The following NTRK2 variants were observed in gnomAD, a reference collection of about 807,000 sequenced individuals.
NTRK2 encodes the protein BDNF/NT-3 growth factors receptor.
In NTRK2, 13 loss-of-function variants were observed where a neutral mutation model predicts 94.5. That is an observed-to-expected ratio of 0.14 (90% CI 0.09 to 0.22). The LOEUF is 0.22. Among genes scored for constraint, NTRK2 ranks in the 10% least tolerant of loss-of-function variants. The probability of loss-of-function intolerance (pLI) is 1.00; values close to 1 mark genes in which losing one functional copy is unlikely to be tolerated. For missense variants in NTRK2, 639 were observed against 1,071.2 expected (o/e 0.60, Z 5.63); for synonymous variants, 372 against 407.4 (o/e 0.91, Z 1.05).
intron 12 of NTRK2, among the ~76,000 whole-genome samples, chr9:84,778,854 G>A (rs1417094391): frequency 6.6e-6 from 1 of 152,136 alleles, no homozygotes; most frequent in Non-Finnish European, 1.5e-5. Context: ...TTGATACAGT[G>A]GACTGATTTC....
At chr9:84,801,824 TA>T (rs1477282082) in intron 12 of NTRK2, among the ~76,000 whole-genome samples, 1 of 152,208 alleles carries the variant, frequency 6.6e-6, no homozygotes, top group Non-Finnish European at 1.5e-5. Context: ...TAAATGGCCA[TA>T]ATTGTGATGA....
intron 12 of NTRK2, among the ~76,000 whole-genome samples, chr9:84,796,308 C>T (rs2133284274): frequency 6.6e-6 from 1 of 152,196 alleles, no homozygotes; most frequent in East Asian, 1.9e-4. Context: ...AAACTATATC[C>T]CAACTAGAAA....
At chr9:84,826,549 T>C (rs898541486) in intron 12 of NTRK2, among the ~76,000 whole-genome samples, 4 of 152,116 alleles carry the variant, frequency 2.6e-5, no homozygotes, top group Non-Finnish European at 5.9e-5. Flanking sequence ...GAGAACAGAG[T>C]TGAACTGAGA....
chr9:84,966,989 T>C (rs373393558), intron 17 of NTRK2, among the ~76,000 whole-genome samples: 1 of 152,224 alleles, frequency 6.6e-6, no homozygotes, highest in Non-Finnish European at 1.5e-5. Context: ...TAATCACTAG[T>C]GCACAGTCAT....
intron 17 of NTRK2, among the ~76,000 whole-genome samples, chr9:85,019,523 T>A (rs1832597829): frequency 6.6e-6 from 1 of 152,216 alleles, no homozygotes; most frequent in African/African-American, 2.4e-5. Flanking sequence ...TGCCCCAGTC[T>A]CAGTGTTTTC....
rs141254142 is a variant in NTRK2 at position 84,951,276 on chromosome 9, C to A, written c.1937+2642C>A. On this transcript the variant is annotated intron_variant, in intron 16 of 18. Coordinates refer to ENST00000277120, the MANE Select transcript of NTRK2 (RefSeq NM_006180.6). ...ACAATCTTGATGCATTATCCTACGT[C>A]AGCAAAATTTTTCTTGTAAGTGATA... 4.6e-5 allele frequency among the ~76,000 whole-genome samples: 7 copies of A among 152,256 alleles called. No homozygotes were observed. The East Asian group carries it at 1.4e-3, about 29-fold the overall frequency.
intron 2 of NTRK2, among the ~76,000 whole-genome samples, chr9:84,683,387 G>C (rs1226848157): frequency 6.6e-6 from 1 of 151,920 alleles, no homozygotes; most frequent in Non-Finnish European, 1.5e-5. Flanking sequence ...TTCCCCTCCT[G>C]TGTCCATGTG....
Position 84,669,950 on chromosome 9 carries a change from C to A in NTRK2, c.-373+62C>A, listed in dbSNP as rs2058593870. On this transcript the variant is annotated intron_variant, in intron 1 of 18. Coordinates refer to ENST00000277120, the MANE Select transcript of NTRK2 (RefSeq NM_006180.6). This position sits in a 1 kb window ranked among gnomAD's most constrained non-coding sequence, Gnocchi z 4.1. ...CCTCACTGTCTCCCCCTGGGGCGGCCTCGGCTACTCCCCAGGTGGGACGTG... is the reference window on the plus strand; with the variant it reads ...CCTCACTGTCTCCCCCTGGGGCGGCATCGGCTACTCCCCAGGTGGGACGTG... The A allele has an allele frequency of 6.5e-6, 1 of 152,764 alleles. No individual in the cohort carries two copies. The highest frequency in any genetic ancestry group is 2.1e-4 in the South Asian group (1 of 4,838). 9.5% of individuals were successfully genotyped at this position (152,764 alleles called of 1,614,324 possible).
In NTRK2 at chr9:84,782,037, A is replaced by AACACACACACACACAC. The variant is rs58851217; in HGVS notation, c.1396+29968_1396+29983dup. Reference sequence around the variant, plus strand: ...AGGATTATAAGATGGCCTCCAAGAAAACACACACACACACACACACACACA... The same window carrying AACACACACACACACAC: ...AGGATTATAAGATGGCCTCCAAGAAAACACACACACACACACACACACACACACACACACACACACA... On this transcript the variant is annotated intron_variant, in intron 12 of 18. Coordinates refer to ENST00000277120, the MANE Select transcript of NTRK2 (RefSeq NM_006180.6). Among the ~76,000 whole-genome samples the AACACACACACACACAC allele has an allele frequency of 3.4e-3, 510 of 149,636 alleles. 3 individuals are homozygous for AACACACACACACACAC. The highest frequency in any genetic ancestry group is 0.012 in the African/African-American group (478 of 40,440).
chr9:84,989,863 A>T (rs1017958927), intron 17 of NTRK2, among the ~76,000 whole-genome samples: 1 of 152,186 alleles, frequency 6.6e-6, no homozygotes, highest in African/African-American at 2.4e-5. Context: ...AGGCAAATTT[A>T]TTTAATCTCC....
intron 12 of NTRK2, chr9:84,813,679 C>T (rs200511757): frequency 1.0e-5 from 11 of 1,066,152 alleles, no homozygotes; most frequent in Non-Finnish European, 1.0e-5. Flanking sequence ...TCCCCTCAAC[C>T]CATTCCCTGG....
chr9:84,894,563 T>G (rs2076703264), intron 14 of NTRK2, among the ~76,000 whole-genome samples: 1 of 152,220 alleles, frequency 6.6e-6, no homozygotes, highest in African/African-American at 2.4e-5. Flanking sequence ...AACTTCATGC[T>G]GCTCAAGGTT....
At chr9:84,732,400 G>A (rs1392919877) in intron 9 of NTRK2, among the ~76,000 whole-genome samples, 4 of 152,184 alleles carry the variant, frequency 2.6e-5, no homozygotes, top group African/African-American at 9.7e-5. Flanking sequence ...GTGGCTCTGG[G>A]ATGGGAGTTG....
Position 85,026,530 on chromosome 9 carries a change from G to C in NTRK2, c.*5093G>C, listed in dbSNP as rs1380444764. On this transcript the variant is annotated 3_prime_UTR_variant, in exon 19 of 19. Coordinates refer to ENST00000277120, the MANE Select transcript of NTRK2 (RefSeq NM_006180.6). Reference sequence around the variant, plus strand: ...GCAGCTGGAAATGTTTTAAATACAAGGTCTTTGAATTAAATGTGGATTTTA... The same window carrying C: ...GCAGCTGGAAATGTTTTAAATACAACGTCTTTGAATTAAATGTGGATTTTA... The C allele has an allele frequency of 4.3e-6, 1 of 232,470 alleles. No homozygotes were observed. Among genetic ancestry groups the C allele is most frequent in the Non-Finnish European group, 8.5e-6 (1 of 117,666 alleles). The allele number at this position is 232,470 out of a possible 1,614,324, so 14.4% of individuals were successfully genotyped here.
At chr9:84,783,415 T>C (rs888185145) in intron 12 of NTRK2, among the ~76,000 whole-genome samples, 1 of 152,240 alleles carries the variant, frequency 6.6e-6, no homozygotes, top group Non-Finnish European at 1.5e-5. Flanking sequence ...CTGAGTCAGA[T>C]TCATCCCTGA....
chr9:85,002,629 T>A (rs1191269108), intron 17 of NTRK2, among the ~76,000 whole-genome samples: 2 of 152,224 alleles, frequency 1.3e-5, no homozygotes, highest in African/African-American at 2.4e-5. Context: ...CACTCTCATC[T>A]TCTGAAAGGT....
intron 12 of NTRK2, among the ~76,000 whole-genome samples, chr9:84,826,344 T>C (rs1250497011): frequency 1.3e-5 from 2 of 152,224 alleles, no homozygotes; most frequent in Admixed American, 6.5e-5. Flanking sequence ...TCCCTGAGTC[T>C]CTGTGTCCTC....
At chr9:84,762,034 A>G (rs551632057) in intron 12 of NTRK2, among the ~76,000 whole-genome samples, 1 of 151,226 alleles carries the variant, frequency 6.6e-6, no homozygotes, top group East Asian at 1.9e-4. Flanking sequence ...TTTTTTTTTT[A>G]TAAAGAGCAG....
chr9:84,725,238 C>G (rs2062360800), intron 8 of NTRK2, among the ~76,000 whole-genome samples: 1 of 152,182 alleles, frequency 6.6e-6, no homozygotes, highest in African/African-American at 2.4e-5. Flanking sequence ...TTAACACTCA[C>G]TCATAGCACA....
Sources: gnomAD v4.1 joint callset for allele counts (sites outside exome capture counted in the v4.1 genomes callset) on GRCh38, gnomAD v4.1.1 for gene constraint, Gnocchi (gnomAD v3.1) non-coding constraint, MANE v1.5 for transcripts, NCBI Gene and HGNC (gene_info 2026-07-23, HGNC 2026-07-21) for gene names.